SERPINB5: variants seen among roughly 807,000 people sequenced by gnomAD.
SERPINB5 encodes serpin B5.
Under a neutral mutation model 32.2 loss-of-function variants are expected in SERPINB5, and 27 were observed. The ratio of observed to expected loss-of-function variants is 0.84; its 90% CI spans 0.62 to 1.16. The LOEUF (loss-of-function observed/expected upper bound fraction) is 1.16, where lower values mean the gene tolerates loss of function less well. Among genes scored for constraint, SERPINB5 ranks in the 50% most tolerant of loss-of-function variants. SERPINB5 has a pLI of 0.00. For missense variants in SERPINB5, 388 were observed against 436.3 expected, an observed-to-expected ratio of 0.89 and a Z score of 0.99; for synonymous variants, 154 against 157.4, an observed-to-expected ratio of 0.98 and a Z score of 0.16.
Position 63,487,088 on chromosome 18 carries a change from G to A in SERPINB5, c.306+5G>A, listed in dbSNP as rs982601205. ...AAATCTCTGAATCTTTCTACAGTAA[G>A]TTGTTTAAAGCAAGTAGCAAGACTT... On this transcript the variant is annotated splice_donor_5th_base_variant and intron_variant, in intron 3 of 6. Coordinates refer to ENST00000382771, the MANE Select transcript of SERPINB5 (RefSeq NM_002639.5). The A allele has an allele frequency of 8.1e-6, 13 of 1,612,772 alleles. No individual in the cohort carries two copies. The highest frequency in any genetic ancestry group is 1.1e-5 in the Non-Finnish European group (13 of 1,179,542).
intron 2 of SERPINB5, 145 bp downstream of exon 2, chr18:63,484,741 CTTTTTTTTTTT>C: frequency 9.5e-6 from 1 of 105,244 alleles, no homozygotes; most frequent in South Asian, 1.9e-4. Flanking sequence ...CTCTCTTAAT[CTTTTTTTTTTT>C]TTTTTTTTTT....
chr18:63,485,130 C>T (rs961078333), intron 2 of SERPINB5, among the ~76,000 whole-genome samples: 2 of 152,078 alleles, frequency 1.3e-5, no homozygotes, highest in Admixed American at 6.5e-5. Flanking sequence ...GTAATCACAG[C>T]TTTTTCATTC....
intron 1 of SERPINB5, among the ~76,000 whole-genome samples, chr18:63,481,420 A>C (rs886579902): frequency 1.3e-5 from 2 of 152,214 alleles, no homozygotes; most frequent in African/African-American, 4.8e-5. Context: ...GACTATGCAA[A>C]ATTATTCTAG....
At chr18:63,496,745 G>T (rs191489458) in intron 5 of SERPINB5, among the ~76,000 whole-genome samples, 1 of 152,278 alleles carries the variant, frequency 6.6e-6, no homozygotes, top group Non-Finnish European at 1.5e-5. Flanking sequence ...CCCATGGGAG[G>T]TATATGTCAA....
intron 2 of SERPINB5, 138 bp downstream of exon 2, chr18:63,484,734 T>A: frequency 1.2e-5 from 5 of 403,812 alleles, no homozygotes; most frequent in Non-Finnish European, 1.7e-5. Flanking sequence ...TCCAGGACTC[T>A]CTTAATCTTT....
At chr18:63,490,814 T>A (rs984909229) in intron 4 of SERPINB5, 1 of 152,236 alleles carries the variant, frequency 6.6e-6, no homozygotes, top group African/African-American at 2.4e-5. Flanking sequence ...ATTTAATTTT[T>A]AAAATTGTAT....
At chr18:63,491,470 A>G (rs1481108929) in intron 4 of SERPINB5, among the ~76,000 whole-genome samples, 2 of 137,970 alleles carry the variant, frequency 1.4e-5, no homozygotes, top group Non-Finnish European at 3.0e-5. Context: ...TGTGAATGCC[A>G]TTCTTTCTTT....
At chr18:63,496,924 C>T (rs1407325505) in intron 5 of SERPINB5, 3 of 371,486 alleles carry the variant, frequency 8.1e-6, no homozygotes, top group African/African-American at 4.2e-5. Context: ...CGATCAGACC[C>T]TTCCATGGGC....
intron 6 of SERPINB5, among the ~76,000 whole-genome samples, chr18:63,502,360 C>A (rs1166619958): frequency 6.6e-6 from 1 of 152,062 alleles, no homozygotes; most frequent in Admixed American, 6.6e-5. Context: ...TGGTCTCGAT[C>A]TCCTGACCTC....
intron 4 of SERPINB5, chr18:63,490,528 A>G (rs539894736): frequency 6.6e-6 from 1 of 152,302 alleles, no homozygotes; most frequent in South Asian, 2.1e-4. Context: ...GAAAGAATGA[A>G]GCCTAGGCAG....
intron 4 of SERPINB5, 108 bp from the exon 5 acceptor site, chr18:63,492,845 A>G: frequency 1.5e-6 from 2 of 1,372,284 alleles, no homozygotes; most frequent in East Asian, 2.3e-5. Flanking sequence ...CAGGCCTTAC[A>G]TGGTGTGACT....
At chr18:63,502,371 G>A (rs1486625707) in intron 6 of SERPINB5, among the ~76,000 whole-genome samples, 3 of 151,906 alleles carry the variant, frequency 2.0e-5, no homozygotes, top group East Asian at 3.9e-4. Flanking sequence ...TCCTGACCTC[G>A]TGATCCACCC....
At position 63,489,446 on chromosome 18, in the gene SERPINB5, A is replaced by G. The variant is rs1001590548; in HGVS notation, c.406A>G (p.Ile136Val). 6.2e-7 allele frequency: 1 copy of G among 1,607,730 alleles called. No individual in the cohort carries two copies. The highest frequency in any genetic ancestry group is 1.3e-5 in the African/African-American group (1 of 74,740). Residue 136 changes from isoleucine (I) to valine (V), a missense_variant, in exon 4 of 7, where the codon ATT becomes GTT. Ile to Val is a conservative substitution (Grantham distance 29). Coordinates refer to ENST00000382771, the MANE Select transcript of SERPINB5 (RefSeq NM_002639.5). ...AACGAAAGGTCAGATCAACAACTCA[A>G]TTAAGGATCTCACAGATGGCAAGTA... ...EETKGQINNS[I>V]KDLTDGHFEN...
chr18:63,492,275 G>A (rs1197267780), intron 4 of SERPINB5, among the ~76,000 whole-genome samples: 1 of 152,210 alleles, frequency 6.6e-6, no homozygotes, highest in Non-Finnish European at 1.5e-5. Context: ...CAGCCTGCCC[G>A]CAAGGAGTGC....
chr18:63,499,174 A>G lies in SERPINB5; in HGVS notation c.622A>G (p.Asn208Asp). ...MNMEATFCMGNIDSINCKIIE... is the reference protein window; with the variant it reads ...MNMEATFCMGDIDSINCKIIE... ...CATGGAGGCCACGTTCTGTATGGGA[A>G]ACATTGACAGTATCAATTGTAAGAT... Residue 208 changes from asparagine to aspartate, a missense_variant, in exon 6 of 7, where the codon AAC (asparagine) becomes GAC (aspartate). Asn to Asp is a conservative substitution (Grantham distance 23, BLOSUM62 1). Coordinates refer to ENST00000382771, the MANE Select transcript of SERPINB5 (RefSeq NM_002639.5). The G allele has an allele frequency of 6.2e-7, 1 of 1,600,928 alleles. No individual in the cohort carries two copies. Among genetic ancestry groups the G allele is most frequent in the Non-Finnish European group, 8.5e-7 (1 of 1,173,312 alleles).
At chr18:63,502,484 A>G (rs1438266192) in intron 6 of SERPINB5, among the ~76,000 whole-genome samples, 2 of 151,944 alleles carry the variant, frequency 1.3e-5, no homozygotes, top group Admixed American at 1.3e-4. Context: ...TTCACTACCT[A>G]TGACCCTAGG....
At position 63,498,061 on chromosome 18, in the gene SERPINB5, G is replaced by T. The variant is rs1367391585; in HGVS notation, c.568-1059G>T. ...GTCACAACAAATATTGTTTTGTTCTGCTATGTGCTAAGTTTGTTGTTGTTA... is the reference window on the plus strand; with the variant it reads ...GTCACAACAAATATTGTTTTGTTCTTCTATGTGCTAAGTTTGTTGTTGTTA... On this transcript the variant is annotated intron_variant, in intron 5 of 6. Transcript: ENST00000382771. The surrounding 1 kb of genome is among the most constrained non-coding windows in gnomAD (Gnocchi z 4.2). Among the ~76,000 whole-genome samples the T allele has an allele frequency of 2.0e-5, 3 of 152,154 alleles. No homozygotes were observed. Among genetic ancestry groups the T allele is most frequent in the Non-Finnish European group, 4.4e-5 (3 of 68,010 alleles).
At chr18:63,496,540 T>C (rs1041594653) in intron 5 of SERPINB5, among the ~76,000 whole-genome samples, 1 of 152,198 alleles carries the variant, frequency 6.6e-6, no homozygotes, top group African/African-American at 2.4e-5. Context: ...TTTCTAACAC[T>C]GTGGCAAGTG....
At chr18:63,501,275 T>C (rs1909566897) in intron 6 of SERPINB5, among the ~76,000 whole-genome samples, 1 of 147,944 alleles carries the variant, frequency 6.8e-6, no homozygotes, top group Non-Finnish European at 1.5e-5. Flanking sequence ...TTCCCACCTA[T>C]GAGTGAGAAC....
Sources: gnomAD v4.1 joint callset for allele counts (sites outside exome capture counted in the v4.1 genomes callset) on GRCh38, gnomAD v4.1.1 for gene constraint, Gnocchi (gnomAD v3.1) non-coding constraint, MANE v1.5 for transcripts, NCBI Gene and HGNC (gene_info 2026-07-23, HGNC 2026-07-21) for gene names.